ZNF708: variants seen among roughly 807,000 people sequenced by gnomAD.
ZNF708 encodes the protein zinc finger protein 708, also known as ZNF15, ZNF15L1.
A neutral mutation model predicts 47.0 loss-of-function variants in ZNF708; 44 were observed. That is an observed-to-expected ratio of 0.94 (90% CI 0.74 to 1.20). The LOEUF (loss-of-function observed/expected upper bound fraction) is 1.20. Ranked by LOEUF, ZNF708 falls within the 50% of genes most tolerant of loss-of-function variation. ZNF708 has a pLI of 0.00. For missense variants in ZNF708, 557 were observed against 656.0 expected, an observed-to-expected ratio of 0.85 and a Z score of 1.65; for synonymous variants, 184 against 218.5, an observed-to-expected ratio of 0.84 and a Z score of 1.39.
intron 1 of ZNF708, chr19:21,327,926 T>C: frequency 1.1e-6 from 1 of 924,802 alleles, no homozygotes; most frequent in South Asian, 4.0e-5. Context: ...CCCCAGGGCA[T>C]CCACCTGCTC....
At chr19:21,310,460 A>T (rs1453048133) in intron 2 of ZNF708, 41 bp downstream of exon 2, 2 of 1,005,846 alleles carry the variant, frequency 2.0e-6, no homozygotes, top group African/African-American at 1.8e-5. Context: ...AAAAAATAAT[A>T]ATAAATAATA....
intron 1 of ZNF708, among the ~76,000 whole-genome samples, chr19:21,321,943 T>G (rs1315800716): frequency 6.6e-6 from 1 of 152,144 alleles, no homozygotes; most frequent in Non-Finnish European, 1.5e-5. Flanking sequence ...AAGGACTGGT[T>G]TGTGCCTGGG....
At chr19:21,315,514 G>A (rs558293477) in intron 1 of ZNF708, among the ~76,000 whole-genome samples, 2 of 152,268 alleles carry the variant, frequency 1.3e-5, no homozygotes, top group Admixed American at 1.3e-4. Flanking sequence ...TACCTAAAAG[G>A]AAATAGCTGA....
At chr19:21,302,623 T>C (rs1972682831) in intron 3 of ZNF708, among the ~76,000 whole-genome samples, 1 of 151,884 alleles carries the variant, frequency 6.6e-6, no homozygotes. Context: ...TGCTTGAACC[T>C]GGGAGGTGGA....
At chr19:21,311,771 TAA>T (rs1205671689) in intron 1 of ZNF708, among the ~76,000 whole-genome samples, 5 of 152,008 alleles carry the variant, frequency 3.3e-5, no homozygotes, top group Admixed American at 2.0e-4. Flanking sequence ...AATAAAGATA[TAA>T]GTTTCATTTT....
intron 1 of ZNF708, chr19:21,318,056 A>G (rs943572837): frequency 6.6e-5 from 10 of 152,264 alleles, no homozygotes; most frequent in Non-Finnish European, 1.3e-4. Context: ...CCATCTGCCA[A>G]TGAGGCACAG....
chr19:21,297,293 T>A (rs1172841377), intron 3 of ZNF708, among the ~76,000 whole-genome samples: 1 of 102,560 alleles, frequency 9.8e-6, no homozygotes, highest in African/African-American at 3.6e-5. Context: ...TTTTTTTTTT[T>A]TTTTTTCAGA....
chr19:21,322,808 T>C (rs1191250523), intron 1 of ZNF708, among the ~76,000 whole-genome samples: 3 of 152,176 alleles, frequency 2.0e-5, no homozygotes, highest in Non-Finnish European at 2.9e-5. Context: ...TCTCTAACAC[T>C]AACTCATTGT....
rs1453239578 is a variant in ZNF708 at position 21,303,134 on chromosome 19, CACAGCTATTTGAGAGGCCGAAATGAG to C, written c.226+6086_226+6111del. On this transcript the variant is annotated intron_variant, in intron 3 of 3. Transcript: ENST00000356929. ...TGGGTGTGATGGCAAATATTTGTAA[CACAGCTATTTGAGAGGCCGAAATGAG>C]AGGATCATCAGAGTTTGGAAAGTTG... 1.7e-4 allele frequency among the ~76,000 whole-genome samples: 26 copies of C among 152,038 alleles called. 1 individual carries two copies. The highest frequency in any genetic ancestry group is 1.6e-3 in the Admixed American group (25 of 15,242).
At position 21,293,234 on chromosome 19, in the gene ZNF708, T is replaced by C; in HGVS notation, c.*40A>G. The C allele has an allele frequency of 6.3e-7, 1 of 1,574,908 alleles. No homozygotes were observed. On this transcript the variant is annotated 3_prime_UTR_variant, in exon 4 of 4. Transcript: ENST00000356929. ...TCTCTCCAGTATGAATTATCTTGTG[T>C]TTTAATAAAAGTTGAAAATACACTA...
intron 1 of ZNF708, among the ~76,000 whole-genome samples, chr19:21,320,598 T>G (rs1191343816): frequency 6.6e-6 from 1 of 150,700 alleles, no homozygotes; most frequent in East Asian, 2.0e-4. Context: ...GAAGCTGAGG[T>G]AGGAGGACTG....
Position 21,294,562 on chromosome 19 carries a change from G to C in ZNF708, c.404C>G (p.Thr135Ser), listed in dbSNP as rs764540101. The C allele has an allele frequency of 6.2e-7, 1 of 1,614,032 alleles. No individual in the cohort carries two copies. ...GTCACACTGAACTATTTTGCTCTGG[G>C]TAGTTGTCACACACCGGTTAAGTCC... ...HKGLNRCVTT[T>S]QSKIVQCDKY... is the part of the protein sequence containing the mutation. Residue 135 changes from threonine (T) to serine (S), a missense_variant, in exon 4 of 4, where the codon ACC becomes AGC. Physicochemically the swap from Thr to Ser is moderately conservative, Grantham distance 58. Coordinates refer to ENST00000356929, the MANE Select transcript of ZNF708 (RefSeq NM_021269.3).
At chr19:21,297,927 A>G (rs1972572449) in intron 3 of ZNF708, among the ~76,000 whole-genome samples, 1 of 151,652 alleles carries the variant, frequency 6.6e-6, no homozygotes, top group Non-Finnish European at 1.5e-5. Flanking sequence ...GACACTGAAC[A>G]ATAGTAGTTT....
At position 21,316,961 on chromosome 19, in the gene ZNF708, A is replaced by G. The variant is rs568172504; in HGVS notation, c.4-6334T>C. On this transcript the variant is annotated intron_variant, in intron 1 of 3. Coordinates refer to ENST00000356929, the MANE Select transcript of ZNF708 (RefSeq NM_021269.3). The stretch of plus-strand genomic sequence containing the variant: ...GCCACCACCCTCAGCTAATTTTTGT[A>G]TTTTTAGTAGAGACGGGGTTTCTCC... Among the ~76,000 whole-genome samples, 19 of 151,658 alleles carry G rather than the reference A, an allele frequency of 1.3e-4. No individual in the cohort carries two copies. The East Asian group carries it at 3.6e-3, about 28-fold the overall frequency.
At position 21,293,102 on chromosome 19, in the gene ZNF708, A is replaced by T; in HGVS notation, c.*172T>A. 1.1e-6 allele frequency: 1 copy of T among 930,614 alleles called. No individual in the cohort carries two copies. Among genetic ancestry groups the T allele is most frequent in the South Asian group, 1.6e-5 (1 of 62,220 alleles). The allele number at this position is 930,614 out of a possible 1,614,324, so 57.6% of individuals were successfully genotyped here. Reference sequence around the variant, plus strand: ...TTAGGGACCAGTTAAATGCTTTGCCACATTCTTTACATTTGTAGGGTTTCT... The same window carrying T: ...TTAGGGACCAGTTAAATGCTTTGCCTCATTCTTTACATTTGTAGGGTTTCT... On this transcript the variant is annotated 3_prime_UTR_variant, in exon 4 of 4. Coordinates refer to ENST00000356929, the MANE Select transcript of ZNF708 (RefSeq NM_021269.3).
At chr19:21,309,773 T>C (rs1413236517) in intron 2 of ZNF708, among the ~76,000 whole-genome samples, 3 of 152,226 alleles carry the variant, frequency 2.0e-5, no homozygotes, top group Non-Finnish European at 4.4e-5. Context: ...AAATATATTC[T>C]AGTAAATTAA....
At chr19:21,313,287 CA>C (rs34027483) in intron 1 of ZNF708, among the ~76,000 whole-genome samples, 1,099 of 89,846 alleles carry the variant, frequency 0.012, 7 homozygotes, top group African/African-American at 0.038. Context: ...GACCCTGTCT[CA>C]AAAAAAAAAA....
intron 1 of ZNF708, among the ~76,000 whole-genome samples, chr19:21,322,555 G>A (rs1016880674): frequency 3.3e-5 from 5 of 152,042 alleles, no homozygotes; most frequent in South Asian, 2.1e-4. Flanking sequence ...CACCCGCCTC[G>A]GCCTCCCAAA....
chr19:21,322,748 C>T (rs184408242), intron 1 of ZNF708, among the ~76,000 whole-genome samples: 8 of 152,290 alleles, frequency 5.3e-5, no homozygotes, highest in South Asian at 2.1e-4. Flanking sequence ...GTCAGGCCCC[C>T]GTATCTTTTT....
Sources: gnomAD v4.1 joint callset for allele counts (sites outside exome capture counted in the v4.1 genomes callset) on GRCh38, gnomAD v4.1.1 for gene constraint, MANE v1.5 for transcripts, NCBI Gene and HGNC (gene_info 2026-07-23, HGNC 2026-07-21) for gene names.